The following GRM8 variants were observed in gnomAD, a reference collection of about 807,000 sequenced individuals.
GRM8 encodes the protein metabotropic glutamate receptor 8.
Under a neutral mutation model 87.2 loss-of-function variants are expected in GRM8, and 47 were observed. The ratio of observed to expected loss-of-function variants is 0.54; its 90% CI spans 0.43 to 0.69. GRM8 has a LOEUF of 0.69. Ranked by LOEUF, GRM8 falls within the 30% of genes least tolerant of loss-of-function variation. The pLI, the probability that GRM8 is intolerant of heterozygous loss-of-function variation, is 0.00. For synonymous variants in GRM8, 396 were observed against 404.5 expected, an observed-to-expected ratio of 0.98 and a Z score of 0.25; for missense variants, 1,019 against 1,139.2, an observed-to-expected ratio of 0.89 and a Z score of 1.52.
chr7:126,723,262 C>A (rs909716184), intron 7 of GRM8, among the ~76,000 whole-genome samples: 7 of 151,820 alleles, frequency 4.6e-5, no homozygotes, highest in African/African-American at 1.7e-4. Context: ...CACAATTATG[C>A]CTCCTTCATG....
chr7:127,205,162 G>T (rs191550815), intron 2 of GRM8, among the ~76,000 whole-genome samples: 1 of 152,156 alleles, frequency 6.6e-6, no homozygotes, highest in South Asian at 2.1e-4. Flanking sequence ...GAGAACAGAC[G>T]CGCCACTGCT....
chr7:126,964,269 G>A (rs1809614346), intron 3 of GRM8, among the ~76,000 whole-genome samples: 1 of 152,142 alleles, frequency 6.6e-6, no homozygotes, highest in East Asian at 1.9e-4. Context: ...AAGACTTCAT[G>A]ACTAAAACAC....
At chr7:127,084,830 ATACTT>A (rs1823297788) in intron 3 of GRM8, 1 of 152,182 alleles carries the variant, frequency 6.6e-6, no homozygotes, top group South Asian at 2.1e-4. Context: ...TTGTTTTTAA[ATACTT>A]TAAGTTCTAG....
At chr7:126,852,392 C>T (rs1047704013) in intron 6 of GRM8, among the ~76,000 whole-genome samples, 7 of 152,094 alleles carry the variant, frequency 4.6e-5, no homozygotes, top group African/African-American at 7.2e-5. Flanking sequence ...AACAAACAAA[C>T]ACAAAAATCG....
rs141179099 is a variant in GRM8, at chr7:126,450,674, C to T, written c.2431-4302G>A. On this transcript the variant is annotated intron_variant, in intron 9 of 10. Coordinates refer to ENST00000339582, the MANE Select transcript of GRM8 (RefSeq NM_000845.3). ...AGTTTATAGAGAAACTGGAGTTGTC[C>T]TGTGGGTGGTAACACCCCAAATCAA... 1.6e-4 allele frequency among the ~76,000 whole-genome samples: 24 copies of T among 151,698 alleles called. 1 individual carries two copies. The East Asian group carries it at 4.3e-3, about 27-fold the overall frequency.
intron 2 of GRM8, among the ~76,000 whole-genome samples, chr7:127,163,908 G>A (rs950939659): frequency 2.6e-5 from 4 of 152,134 alleles, no homozygotes; most frequent in Non-Finnish European, 5.9e-5. Context: ...AGGAGCAGAG[G>A]AGGAATGAGC....
intron 7 of GRM8, among the ~76,000 whole-genome samples, chr7:126,767,685 A>G (rs1306226581): frequency 2.0e-5 from 3 of 152,066 alleles, no homozygotes; most frequent in African/African-American, 7.2e-5. Context: ...TTTATCATAA[A>G]CAGAATGAAC....
rs1329817564 is a variant in GRM8 at position 127,053,646 on chromosome 7, G to A, written c.727+52850C>T. On this transcript the variant is annotated intron_variant, in intron 3 of 10. Transcript: ENST00000339582. The stretch of plus-strand genomic sequence containing the variant: ...CTCCTAAAAATACAAAAATTAGCTA[G>A]GCGTAGTGGCGGGTGCCTGTAGTTC... Among the ~76,000 whole-genome samples, 5 of 152,082 alleles carry A rather than the reference G, an allele frequency of 3.3e-5. No individual in the cohort carries two copies. In the South Asian group the frequency reaches 1.0e-3, roughly 32 times the overall value.
chr7:126,642,229 G>A lies in GRM8; in HGVS notation c.1358-32731C>T, dbSNP rs565492480. On this transcript the variant is annotated intron_variant, in intron 7 of 10. Coordinates refer to ENST00000339582, the MANE Select transcript of GRM8 (RefSeq NM_000845.3). ...TTGTGAGGAGCACATTGCACAACTC[G>A]GCTTTGTGCTGAAGGTATTTGATGC... is the stretch of plus-strand genomic sequence containing the variant. Among the ~76,000 whole-genome samples, 41 of 152,232 alleles carry A rather than the reference G, an allele frequency of 2.7e-4. 1 individual carries two copies. The highest frequency in any genetic ancestry group is 8.4e-4 in the African/African-American group (35 of 41,534).
chr7:126,491,272 A>G (rs778329079), intron 9 of GRM8, among the ~76,000 whole-genome samples: 2 of 152,024 alleles, frequency 1.3e-5, no homozygotes, highest in African/African-American at 2.4e-5. Context: ...GACCCTAGAC[A>G]ATTTTCTCAA....
At chr7:127,196,205 C>T (rs1795270707) in intron 2 of GRM8, among the ~76,000 whole-genome samples, 1 of 152,124 alleles carries the variant, frequency 6.6e-6, no homozygotes, top group Admixed American at 6.5e-5. Context: ...TCTCTGTCTA[C>T]ATAGTCATTA....
chr7:126,761,182 A>C (rs1435417403), intron 7 of GRM8, among the ~76,000 whole-genome samples: 1 of 152,212 alleles, frequency 6.6e-6, no homozygotes, highest in African/African-American at 2.4e-5. Flanking sequence ...TGGGTGACAA[A>C]GCGAGACTCT....
At chr7:126,801,300 T>A (rs576220150) in intron 6 of GRM8, among the ~76,000 whole-genome samples, 1 of 152,224 alleles carries the variant, frequency 6.6e-6, no homozygotes, top group East Asian at 1.9e-4. Context: ...TAGAAACATA[T>A]CTTAATTAGG....
chr7:127,107,953 C>G (rs1235681850), intron 2 of GRM8, among the ~76,000 whole-genome samples: 6 of 152,178 alleles, frequency 3.9e-5, no homozygotes, highest in African/African-American at 1.4e-4. Flanking sequence ...CATTCAGCTT[C>G]CATGTAACTT....
chr7:127,160,400 CA>C (rs1793022354), intron 2 of GRM8, among the ~76,000 whole-genome samples: 1 of 152,112 alleles, frequency 6.6e-6, no homozygotes, highest in South Asian at 2.1e-4. Flanking sequence ...AACTCACCAA[CA>C]AATAGCAAAC....
intron 6 of GRM8, among the ~76,000 whole-genome samples, chr7:126,852,277 C>T (rs1208376011): frequency 6.6e-6 from 1 of 152,178 alleles, no homozygotes; most frequent in Non-Finnish European, 1.5e-5. Context: ...TGAGCCATAA[C>T]ATTGTGCTTT....
chr7:126,456,519 TAAAAAAAAAAAAAAA>T (rs513), intron 9 of GRM8, among the ~76,000 whole-genome samples: 1 of 69,714 alleles, frequency 1.4e-5, no homozygotes, highest in East Asian at 3.3e-4. Flanking sequence ...AGCAGCAAGC[TAAAAAAAAAAAAAAA>T]AAAAAAAAAA....
intron 6 of GRM8, among the ~76,000 whole-genome samples, chr7:126,791,242 T>A (rs1261771381): frequency 6.6e-6 from 1 of 152,138 alleles, no homozygotes; most frequent in Non-Finnish European, 1.5e-5. Flanking sequence ...AAAAAACACT[T>A]AATTTGAGAT....
chr7:126,773,447 G>C (rs1819068468), intron 6 of GRM8, among the ~76,000 whole-genome samples: 1 of 152,064 alleles, frequency 6.6e-6, no homozygotes, highest in South Asian at 2.1e-4. Context: ...GTAACAGCTA[G>C]ACATGTGTGA....
Sources: gnomAD v4.1 joint callset for allele counts (sites outside exome capture counted in the v4.1 genomes callset) on GRCh38, gnomAD v4.1.1 for gene constraint, MANE v1.5 for transcripts, NCBI Gene and HGNC (gene_info 2026-07-23, HGNC 2026-07-21) for gene names.